SPAG1: variants seen among roughly 807,000 people sequenced by gnomAD.
The protein encoded by SPAG1 is sperm associated antigen 1, also known as sperm-associated antigen 1.
In SPAG1, 69 loss-of-function variants were observed where a neutral mutation model predicts 100.5. The ratio of observed to expected loss-of-function variants is 0.69; its 90% confidence interval spans 0.57 to 0.84. SPAG1 has a LOEUF of 0.84. Ranked by LOEUF, SPAG1 falls within the 40% of genes least tolerant of loss-of-function variation. The pLI is 0.00. For synonymous variants in SPAG1, 336 were observed against 411.6 expected, an observed-to-expected ratio of 0.82 and a Z score of 2.22; for missense variants, 955 against 1,133.1, an observed-to-expected ratio of 0.84 and a Z score of 2.26.
At chr8:100,210,960 C>G (rs1235765498) in intron 10 of SPAG1, among the ~76,000 whole-genome samples, 1 of 151,978 alleles carries the variant, frequency 6.6e-6, no homozygotes, top group Non-Finnish European at 1.5e-5. Flanking sequence ...TTTTGAGTAG[C>G]TGGGATTACA....
At chr8:100,185,648 A>G (rs2453657) in intron 7 of SPAG1, among the ~76,000 whole-genome samples, 50,213 of 152,148 alleles carry the variant, frequency 0.33, 8,859 homozygotes, top group East Asian at 0.51. Flanking sequence ...AAAGTAGACT[A>G]AGTTTTTAAA....
At chr8:100,196,223 C>T (rs370707525) in intron 10 of SPAG1, among the ~76,000 whole-genome samples, 4 of 152,136 alleles carry the variant, frequency 2.6e-5, no homozygotes, top group East Asian at 1.9e-4. Context: ...TTTCATTTCC[C>T]CTGAGTAAAT....
chr8:100,177,727 T>A, intron 3 of SPAG1, 89 bp from the exon 4 acceptor site: 1 of 750,758 alleles, frequency 1.3e-6, no homozygotes, highest in Non-Finnish European at 2.0e-6. Context: ...CAGTTCAAAC[T>A]TATATTGTTC....
At chr8:100,162,231 A>G (rs1470100377) in intron 1 of SPAG1, 48 bp from the exon 2 acceptor site, 3 of 1,392,474 alleles carry the variant, frequency 2.2e-6, no homozygotes, top group Admixed American at 4.6e-5. Flanking sequence ...ATCCAAATTG[A>G]GTATTATTTA....
intron 7 of SPAG1, 150 bp downstream of exon 7, chr8:100,184,883 T>C: frequency 1.7e-6 from 1 of 577,044 alleles, no homozygotes; most frequent in Admixed American, 4.1e-5. Flanking sequence ...GTGTTTCTCC[T>C]ATTTTTTCAA....
intron 10 of SPAG1, among the ~76,000 whole-genome samples, chr8:100,199,799 C>A (rs556523434): frequency 6.6e-6 from 1 of 152,188 alleles, no homozygotes; most frequent in East Asian, 1.9e-4. Context: ...GAGTTGTAAG[C>A]ATTTTTTATA....
At chr8:100,231,779 G>A (rs1021520641) in intron 15 of SPAG1, among the ~76,000 whole-genome samples, 6 of 152,128 alleles carry the variant, frequency 3.9e-5, no homozygotes, top group African/African-American at 1.2e-4. Flanking sequence ...CTAACACGGT[G>A]AAACCCCGTC....
At chr8:100,205,725 G>T (rs949888218) in intron 10 of SPAG1, among the ~76,000 whole-genome samples, 2 of 152,012 alleles carry the variant, frequency 1.3e-5, no homozygotes, top group African/African-American at 4.8e-5. Context: ...AAAGATGTAG[G>T]GATAGGGCTG....
intron 12 of SPAG1, among the ~76,000 whole-genome samples, chr8:100,215,731 A>G (rs1263798328): frequency 2.0e-5 from 3 of 152,098 alleles, no homozygotes; most frequent in Non-Finnish European, 2.9e-5. Flanking sequence ...TCACAGTGTT[A>G]GCCAGAATGG....
intron 16 of SPAG1, among the ~76,000 whole-genome samples, chr8:100,234,412 A>G (rs1818911717): frequency 6.6e-6 from 1 of 152,190 alleles, no homozygotes; most frequent in Non-Finnish European, 1.5e-5. Flanking sequence ...CCCCTGTACA[A>G]TAAATCTTCC....
chr8:100,170,126 T>C (rs6987307), intron 3 of SPAG1, among the ~76,000 whole-genome samples: 293 of 152,324 alleles, frequency 1.9e-3, no homozygotes, highest in African/African-American at 6.7e-3. Context: ...TATGGATCAA[T>C]TTTGGAAGAA....
chr8:100,233,507 T>A lies in SPAG1; in HGVS notation c.2085T>A (p.Tyr695Ter). ...CTGATGGGAACGTGAAAGCCTTCTA[T>A]AGACGAGCTCTGGCTCATAAAGGAC... ...QLADGNVKAFYRRALAHKGLK... is the reference protein window; with the variant it reads ...QLADGNVKAF Residue 695 changes from tyrosine (Y) to a stop codon, truncating the protein, a stop_gained, in exon 16 of 19, where the codon TAT becomes TAA. Transcript: ENST00000388798. LOFTEE classifies it high-confidence loss of function. 1 of 1,612,340 alleles carries A rather than the reference T, an allele frequency of 6.2e-7. No homozygotes were observed. The highest frequency in any genetic ancestry group is 8.5e-7 in the Non-Finnish European group (1 of 1,178,932).
chr8:100,212,754 C>T (rs916930776), intron 10 of SPAG1, among the ~76,000 whole-genome samples: 9 of 152,230 alleles, frequency 5.9e-5, no homozygotes, highest in African/African-American at 2.2e-4. Context: ...ATTTTGTAAG[C>T]TCACCTGGAC....
rs1483761244 is a variant in SPAG1, at chr8:100,239,623, A to G, written c.2280+219A>G. On this transcript the variant is annotated intron_variant, in intron 17 of 18. Coordinates refer to ENST00000388798, the MANE Select transcript of SPAG1 (RefSeq NM_003114.5). This position sits in a 1 kb window ranked among gnomAD's most constrained non-coding sequence, Gnocchi z 5.0. ...CATGGATGGTACTGGGAGTCTCTGC[A>G]TTACTGCAGTTCTTCCTTTCTTTGG... 1.3e-5 allele frequency among the ~76,000 whole-genome samples: 2 copies of G among 152,220 alleles called. No homozygotes were observed. Among genetic ancestry groups the G allele is most frequent in the African/African-American group, 2.4e-5 (1 of 41,452 alleles).
In SPAG1 at chr8:100,192,716, T is replaced by C. The variant is rs1468022480; in HGVS notation, c.939+1220T>C. Among the ~76,000 whole-genome samples, 2 of 152,226 alleles carry C rather than the reference T, an allele frequency of 1.3e-5. 1 individual carries two copies. Among genetic ancestry groups the C allele is most frequent in the Non-Finnish European group, 2.9e-5 (2 of 68,052 alleles). ...GTTTAGGGCCTGGCTTAGTATTTCC[T>C]TTTTGTAATGGTTATGTTTATTTAT... is the stretch of plus-strand genomic sequence containing the variant. On this transcript the variant is annotated intron_variant, in intron 9 of 18. Coordinates refer to ENST00000388798, the MANE Select transcript of SPAG1 (RefSeq NM_003114.5).
intron 1 of SPAG1, among the ~76,000 whole-genome samples, chr8:100,161,607 AC>A: frequency 6.6e-6 from 1 of 152,150 alleles, no homozygotes; most frequent in Non-Finnish European, 1.5e-5. Context: ...AACAAGTTTT[AC>A]TGTGGGTCTG....
At chr8:100,192,493 A>G (rs1816856830) in intron 9 of SPAG1, among the ~76,000 whole-genome samples, 1 of 152,172 alleles carries the variant, frequency 6.6e-6, no homozygotes, top group African/African-American at 2.4e-5. Context: ...TCTCAGTACA[A>G]ACATCCTTAG....
chr8:100,231,342 A>C, intron 15 of SPAG1, 54 bp downstream of exon 15: 1 of 1,225,874 alleles, frequency 8.2e-7, no homozygotes, highest in Non-Finnish European at 1.1e-6. Context: ...TGATTATTAA[A>C]AATATTTTAA....
intron 11 of SPAG1, 84 bp from the exon 12 acceptor site, chr8:100,213,735 G>A (rs1817845142): frequency 1.2e-6 from 1 of 841,976 alleles, no homozygotes; most frequent in African/African-American, 1.7e-5. Context: ...CCACCCCACC[G>A]GAGACCTCGG....
Sources: gnomAD v4.1 joint callset for allele counts (sites outside exome capture counted in the v4.1 genomes callset) on GRCh38, gnomAD v4.1.1 for gene constraint, Gnocchi (gnomAD v3.1) non-coding constraint, MANE v1.5 for transcripts, NCBI Gene and HGNC (gene_info 2026-07-23, HGNC 2026-07-21) for gene names.